The following ABCC1 variants were observed in gnomAD, a reference collection of about 807,000 sequenced individuals.
ABCC1 encodes ATP binding cassette subfamily C member 1 (ABCC1 blood group), also known as multidrug resistance-associated protein 1.
ABCC1 carries 83 observed loss-of-function variants against 172.9 expected under a neutral mutation model. The observed-to-expected ratio is 0.48, with a 90% confidence interval of 0.40 to 0.58. The LOEUF (loss-of-function observed/expected upper bound fraction) is 0.58, where lower values mean the gene tolerates loss of function less well. Ranked by LOEUF, ABCC1 falls within the 20% of genes least tolerant of loss-of-function variation. The pLI, the probability that ABCC1 is intolerant of heterozygous loss-of-function variation, is 0.00. For synonymous variants in ABCC1, 937 were observed against 825.2 expected (o/e 1.14, Z -2.32); for missense variants, 1,817 against 2,002.7 (o/e 0.91, Z 1.77).
In ABCC1 at chr16:16,141,440, A is replaced by G; in HGVS notation, c.*159A>G. 1.5e-6 allele frequency: 1 copy of G among 645,774 alleles called. No individual in the cohort carries two copies. Among genetic ancestry groups the G allele is most frequent in the Non-Finnish European group, 2.7e-6 (1 of 376,600 alleles). The allele number at this position is 645,774 out of a possible 1,614,324, so 40.0% of individuals were successfully genotyped here. On this transcript the variant is annotated 3_prime_UTR_variant, in exon 31 of 31. Coordinates refer to ENST00000399410, the MANE Select transcript of ABCC1 (RefSeq NM_004996.4). ...CATATTCAAAGCAGCAGCCACCGCC[A>G]TCCGGTCCCCTGCCTGGAACTGGCT...
intron 19 of ABCC1, among the ~76,000 whole-genome samples, chr16:16,091,519 T>C (rs548271730): frequency 3.3e-5 from 5 of 151,996 alleles, no homozygotes; most frequent in Non-Finnish European, 7.4e-5. Flanking sequence ...AGGCAGGGGA[T>C]AGGGAAACCC....
upstream of ABCC1, chr16:15,949,597 G>C (rs1196873426): frequency 1.2e-5 from 1 of 83,088 alleles, no homozygotes; most frequent in African/African-American, 3.8e-5. Context: ...TTGCGGCCCC[G>C]GCCCCGGCTC....
intron 5 of ABCC1, among the ~76,000 whole-genome samples, chr16:16,016,967 C>T (rs758320614): frequency 4.8e-5 from 5 of 104,322 alleles, no homozygotes; most frequent in Non-Finnish European, 1.1e-4. Flanking sequence ...AAGTAAAGTT[C>T]TGACAGATTA....
intron 1 of ABCC1, among the ~76,000 whole-genome samples, chr16:15,967,023 C>T (rs985233519): frequency 6.6e-6 from 1 of 152,078 alleles, no homozygotes; most frequent in African/African-American, 2.4e-5. Flanking sequence ...ACTTTGGTCC[C>T]CTGCCCCCTG....
chr16:16,115,029 G>A lies in ABCC1; in HGVS notation c.3343G>A (p.Ala1115Thr), dbSNP rs371062976. The change falls in exon 23 of 31, where the codon GCC becomes ACC. Residue 1115 changes from alanine (A) to threonine (T), a missense_variant. Physicochemically the swap from Ala to Thr is moderately conservative, Grantham distance 58. Around this residue, in one of 3 missense-constraint regions of ABCC1, gnomAD observed 1,412 missense variants for 1,600.3 expected, o/e 0.88. Coordinates refer to ENST00000399410, the MANE Select transcript of ABCC1 (RefSeq NM_004996.4). ...CGTTATCCTGCTGGCCACGCCCATCGCCGCCATCATCATCCCGCCCCTTGG... is the reference window on the plus strand; with the variant it reads ...CGTTATCCTGCTGGCCACGCCCATCACCGCCATCATCATCCCGCCCCTTGG... ...CIVILLATPI[A>T]AIIIPPLGLI... The A allele has an allele frequency of 8.1e-6, 13 of 1,614,038 alleles. No individual in the cohort carries two copies. The highest frequency in any genetic ancestry group is 4.0e-5 in the African/African-American group (3 of 74,924).
intron 17 of ABCC1, among the ~76,000 whole-genome samples, chr16:16,086,607 G>T (rs929982718): frequency 1.3e-5 from 2 of 150,942 alleles, no homozygotes; most frequent in Non-Finnish European, 2.9e-5. Flanking sequence ...GCGCACATCA[G>T]CAGGCTTGGC....
rs2049125064 is a variant in ABCC1 at position 16,044,638 on chromosome 16, C to T, written c.998C>T (p.Ala333Val). 2 of 1,614,008 alleles carry T rather than the reference C, an allele frequency of 1.2e-6. No individual in the cohort carries two copies. Among genetic ancestry groups the T allele is most frequent in the East Asian group, 2.2e-5 (1 of 44,882 alleles). Residue 333 changes from alanine to valine, a missense_variant, in exon 8 of 31, where the codon GCC (alanine) becomes GTC (valine). Around this residue, in one of 3 missense-constraint regions of ABCC1, gnomAD observed 1,412 missense variants for 1,600.3 expected, o/e 0.88. Coordinates refer to ENST00000399410, the MANE Select transcript of ABCC1 (RefSeq NM_004996.4). ...PYFLMSFFFKAIHDLMMFSGP... is the reference protein window; with the variant it reads ...PYFLMSFFFKVIHDLMMFSGP... Reference sequence around the variant, plus strand: ...TTCCTCATGAGCTTCTTCTTCAAGGCCATCCACGACCTGATGATGTTTTCC... The same window carrying T: ...TTCCTCATGAGCTTCTTCTTCAAGGTCATCCACGACCTGATGATGTTTTCC...
chr16:15,980,000 A>C (rs904511261), intron 1 of ABCC1, among the ~76,000 whole-genome samples: 3 of 152,262 alleles, frequency 2.0e-5, no homozygotes, highest in African/African-American at 7.2e-5. Flanking sequence ...CAGCATCAGT[A>C]CATTCACTGC....
intron 19 of ABCC1, among the ~76,000 whole-genome samples, chr16:16,092,315 C>G (rs2051287141): frequency 6.6e-6 from 1 of 152,142 alleles, no homozygotes; most frequent in African/African-American, 2.4e-5. Context: ...CCAACCATCA[C>G]CACAGTCAGG....
chr16:15,953,734 T>G (rs1432769709), intron 1 of ABCC1, among the ~76,000 whole-genome samples: 1 of 152,178 alleles, frequency 6.6e-6, no homozygotes, highest in African/African-American at 2.4e-5. Flanking sequence ...AGGGTTGATG[T>G]GCACCTCTGA....
chr16:15,955,418 C>G (rs1005064521), intron 1 of ABCC1, among the ~76,000 whole-genome samples: 1 of 152,138 alleles, frequency 6.6e-6, no homozygotes, highest in Admixed American at 6.5e-5. Flanking sequence ...CCCCTACAGT[C>G]TAGTCTTGGC....
chr16:16,059,357 C>CT (rs1422670424), intron 12 of ABCC1, among the ~76,000 whole-genome samples: 6 of 152,332 alleles, frequency 3.9e-5, no homozygotes, highest in African/African-American at 1.2e-4. Flanking sequence ...ATACCAGTCT[C>CT]TTCCAGCGTA....
At chr16:16,121,670 G>C (rs1217894131) in intron 23 of ABCC1, among the ~76,000 whole-genome samples, 4 of 152,178 alleles carry the variant, frequency 2.6e-5, no homozygotes, top group Non-Finnish European at 5.9e-5. Context: ...ATCACATATA[G>C]GAATGAGCAC....
intron 1 of ABCC1, among the ~76,000 whole-genome samples, chr16:15,995,367 T>A (rs1328991436): frequency 2.0e-5 from 3 of 152,216 alleles, no homozygotes; most frequent in Non-Finnish European, 4.4e-5. Context: ...GTTTCTTCAT[T>A]GCTTTTCGCC....
At chr16:16,136,782 G>C (rs1423420511) in intron 29 of ABCC1, 138 bp downstream of exon 29, 5 of 1,028,388 alleles carry the variant, frequency 4.9e-6, no homozygotes, top group Non-Finnish European at 6.9e-6. Context: ...ACCTCTTGGA[G>C]CCTCAGTTTC....
intron 5 of ABCC1, among the ~76,000 whole-genome samples, chr16:16,025,356 G>A (rs1453080111): frequency 6.6e-6 from 1 of 152,190 alleles, no homozygotes; most frequent in Non-Finnish European, 1.5e-5. Context: ...TTGAAACACA[G>A]ATTGCTGGTC....
intron 21 of ABCC1, among the ~76,000 whole-genome samples, chr16:16,109,094 CAAAAG>C (rs1364369863): frequency 6.6e-6 from 1 of 152,176 alleles, no homozygotes; most frequent in Non-Finnish European, 1.5e-5. Context: ...CTTGAAAACT[CAAAAG>C]GAAGCAGCCA....
chr16:16,090,701 T>C (rs865954024), intron 19 of ABCC1, 113 bp downstream of exon 19: 2 of 1,223,816 alleles, frequency 1.6e-6, no homozygotes, highest in Non-Finnish European at 2.2e-6. Context: ...CCTCAGGGCA[T>C]GAGGGTGGGA....
At chr16:15,966,710 G>A (rs1276526728) in intron 1 of ABCC1, among the ~76,000 whole-genome samples, 2 of 151,164 alleles carry the variant, frequency 1.3e-5, no homozygotes, top group Admixed American at 6.6e-5. Flanking sequence ...GAGTGCAGTG[G>A]TATGATCATG....
Sources: allele counts gnomAD v4.1 joint callset (sites outside exome capture counted in the v4.1 genomes callset), GRCh38; gene constraint gnomAD v4.1.1; regional missense constraint gnomAD v4.1.1; transcripts MANE v1.5; gene names NCBI Gene and HGNC (gene_info 2026-07-23, HGNC 2026-07-21).